LRP1B: variants seen among roughly 807,000 people sequenced by gnomAD.
LRP1B encodes low-density lipoprotein receptor-related protein 1B.
LRP1B carries 217 observed loss-of-function variants against 556.6 expected under a neutral mutation model. The observed-to-expected ratio is 0.39, with a 90% CI of 0.35 to 0.44. The LOEUF (loss-of-function observed/expected upper bound fraction) is 0.44. Ranked by LOEUF, LRP1B falls within the 20% of genes least tolerant of loss-of-function variation. The pLI is 1.00. For missense variants in LRP1B, 5,053 were observed against 5,620.8 expected, an observed-to-expected ratio of 0.90 and a Z score of 3.23; for synonymous variants, 2,047 against 1,865.8, an observed-to-expected ratio of 1.10 and a Z score of -2.50.
chr2:140,371,318 G>C (rs1682982828), intron 69 of LRP1B, 33 bp from the exon 70 acceptor site: 7 of 1,209,866 alleles, frequency 5.8e-6, no homozygotes, highest in East Asian at 2.5e-5. Flanking sequence ...AATTGAGATA[G>C]AGTAAAAATA....
At chr2:140,856,859 A>G (rs994181406) in intron 27 of LRP1B, among the ~76,000 whole-genome samples, 6 of 152,130 alleles carry the variant, frequency 3.9e-5, no homozygotes, top group Non-Finnish European at 8.8e-5. Context: ...GCATGTACGT[A>G]AATGTATGTG....
intron 1 of LRP1B, among the ~76,000 whole-genome samples, chr2:141,996,481 T>C (rs1281726150): frequency 1.3e-5 from 2 of 152,146 alleles, no homozygotes; most frequent in Non-Finnish European, 2.9e-5. Flanking sequence ...TTAAATGAGA[T>C]AACGTGGGAA....
intron 6 of LRP1B, among the ~76,000 whole-genome samples, chr2:141,197,320 C>G (rs1329924734): frequency 1.3e-5 from 2 of 152,086 alleles, no homozygotes; most frequent in Admixed American, 1.3e-4. Flanking sequence ...CCTGAAGTCT[C>G]TAAATGTTTA....
intron 32 of LRP1B, among the ~76,000 whole-genome samples, chr2:140,785,835 CCACT>C (rs1420677527): frequency 6.6e-6 from 1 of 151,988 alleles, no homozygotes; most frequent in Non-Finnish European, 1.5e-5. Context: ...CAAATGGTAC[CCACT>C]CAGTCATCAG....
intron 5 of LRP1B, among the ~76,000 whole-genome samples, chr2:141,241,279 G>T (rs907546723): frequency 6.6e-6 from 1 of 152,044 alleles, no homozygotes; most frequent in Non-Finnish European, 1.5e-5. Context: ...CTACCGGTCC[G>T]GGATTCCAAA....
At chr2:140,750,270 G>A (rs908467251) in intron 35 of LRP1B, among the ~76,000 whole-genome samples, 3 of 152,172 alleles carry the variant, frequency 2.0e-5, no homozygotes, top group Middle Eastern at 3.4e-3. Flanking sequence ...ACTATATATG[G>A]TATATTGATT....
intron 3 of LRP1B, among the ~76,000 whole-genome samples, chr2:141,391,274 A>G (rs948608017): frequency 3.3e-5 from 5 of 152,210 alleles, no homozygotes; most frequent in Non-Finnish European, 7.3e-5. Flanking sequence ...TGCCTTACTT[A>G]TAGCCGGTGT....
intron 76 of LRP1B, among the ~76,000 whole-genome samples, chr2:140,352,332 C>T (rs747616746): frequency 3.3e-5 from 5 of 151,894 alleles, no homozygotes; most frequent in South Asian, 2.1e-4. Flanking sequence ...TGTACCACCA[C>T]GCCTGGCTAA....
chr2:141,426,458 G>A (rs1680366553), intron 3 of LRP1B, among the ~76,000 whole-genome samples: 1 of 152,110 alleles, frequency 6.6e-6, no homozygotes, highest in South Asian at 2.1e-4. Context: ...GTATTCTGAA[G>A]TATATGAAAT....
At chr2:141,460,786 G>T (rs542107940) in intron 3 of LRP1B, among the ~76,000 whole-genome samples, 1 of 152,206 alleles carries the variant, frequency 6.6e-6, no homozygotes, top group East Asian at 1.9e-4. Flanking sequence ...ATATCCTGAA[G>T]AATTCAATAC....
intron 1 of LRP1B, among the ~76,000 whole-genome samples, chr2:141,861,275 C>T (rs972792368): frequency 6.6e-6 from 1 of 152,138 alleles, no homozygotes; most frequent in Non-Finnish European, 1.5e-5. Flanking sequence ...ATTACTCTCC[C>T]CCTTGAGGAC....
chr2:140,699,624 G>GTT (rs34387302), intron 41 of LRP1B, among the ~76,000 whole-genome samples: 14 of 151,102 alleles, frequency 9.3e-5, no homozygotes, highest in Non-Finnish European at 1.8e-4. Context: ...TAAGAAGATG[G>GTT]TTTTTGTTAA....
chr2:141,277,000 T>C (rs1194705304), intron 3 of LRP1B, among the ~76,000 whole-genome samples: 3 of 152,192 alleles, frequency 2.0e-5, no homozygotes, highest in Non-Finnish European at 4.4e-5. Flanking sequence ...TAGTATTCCA[T>C]GGTGTACATG....
chr2:140,735,073 A>T (rs1372807279), intron 35 of LRP1B, among the ~76,000 whole-genome samples: 1 of 152,212 alleles, frequency 6.6e-6, no homozygotes, highest in Non-Finnish European at 1.5e-5. Flanking sequence ...GAAAATAAAC[A>T]GTAAGACAGA....
chr2:140,656,871 G>A (rs473512), intron 41 of LRP1B, among the ~76,000 whole-genome samples: 1,588 of 152,104 alleles, frequency 0.01, 31 homozygotes, highest in African/African-American at 0.036. Flanking sequence ...GAGAGAAATG[G>A]CAAACTAAAT....
At chr2:140,711,950 G>A (rs554493030) in intron 37 of LRP1B, among the ~76,000 whole-genome samples, 37 of 152,266 alleles carry the variant, frequency 2.4e-4, no homozygotes, top group African/African-American at 8.9e-4. Flanking sequence ...ATACCTCAAA[G>A]GCAAATGTAA....
chr2:140,988,522 T>C (rs1696995633), intron 17 of LRP1B, among the ~76,000 whole-genome samples: 1 of 152,040 alleles, frequency 6.6e-6, no homozygotes, highest in Admixed American at 6.6e-5. Flanking sequence ...AGGGAAAATC[T>C]GGAAACAATT....
intron 31 of LRP1B, among the ~76,000 whole-genome samples, chr2:140,830,604 A>C (rs1285670664): frequency 6.6e-6 from 1 of 152,128 alleles, no homozygotes; most frequent in Non-Finnish European, 1.5e-5. Context: ...ATCAGACCTC[A>C]AAACAATGAA....
At chr2:140,442,711 G>C in intron 65 of LRP1B, 88 bp from the exon 66 acceptor site, 6 of 1,321,352 alleles carry the variant, frequency 4.5e-6, no homozygotes, top group Non-Finnish European at 6.3e-6. Context: ...GTTTAAGACA[G>C]TTTATCGAAA....
Sources: allele counts gnomAD v4.1 joint callset (sites outside exome capture counted in the v4.1 genomes callset), GRCh38; gene constraint gnomAD v4.1.1; transcripts MANE v1.5; gene names NCBI Gene and HGNC (gene_info 2026-07-23, HGNC 2026-07-21).